SENP7: variants seen among roughly 807,000 people sequenced by gnomAD.
SENP7 encodes SUMO specific peptidase 7, also known as sentrin-specific protease 7.
Under a neutral mutation model 141.2 loss-of-function variants are expected in SENP7, and 64 were observed. The observed-to-expected ratio is 0.45, with a 90% CI of 0.37 to 0.56. The LOEUF (loss-of-function observed/expected upper bound fraction) is 0.56. SENP7 is among the 20% of genes least tolerant of loss of function. The probability of loss-of-function intolerance (pLI) is 0.00; values close to 1 mark genes in which losing one functional copy is unlikely to be tolerated. For missense variants in SENP7, 1,025 were observed against 1,212.2 expected, an observed-to-expected ratio of 0.85 and a Z score of 2.29; for synonymous variants, 382 against 426.4, an observed-to-expected ratio of 0.90 and a Z score of 1.28.
At chr3:101,364,084 C>T (rs575285838) in intron 10 of SENP7, among the ~76,000 whole-genome samples, 23 of 152,068 alleles carry the variant, frequency 1.5e-4, no homozygotes, top group Non-Finnish European at 2.2e-4. Context: ...AAACATTAGC[C>T]AGGCTTGCTG....
chr3:101,467,519 A>C (rs577908370), intron 3 of SENP7, among the ~76,000 whole-genome samples: 1 of 152,350 alleles, frequency 6.6e-6, no homozygotes, highest in East Asian at 1.9e-4. Flanking sequence ...GCTCTTCTGC[A>C]ATATTTGCTG....
rs2058885897 is a variant in SENP7 at position 101,325,843 on chromosome 3, T to C, written c.*100A>G. The C allele has an allele frequency of 6.5e-6, 7 of 1,074,228 alleles. No individual in the cohort carries two copies. Among genetic ancestry groups the C allele is most frequent in the Admixed American group, 5.5e-5 (2 of 36,476 alleles). 66.5% of individuals were successfully genotyped at this position (1,074,228 alleles called of 1,614,324 possible). A position where few individuals can be genotyped will look rare whatever the true frequency, so the allele number is the denominator to read the frequency against. ...TTCCAATGACTTATTATAAAACTACTGCAAGTTATTTTCTTCTCTGTGAGC... is the reference window on the plus strand; with the variant it reads ...TTCCAATGACTTATTATAAAACTACCGCAAGTTATTTTCTTCTCTGTGAGC... On this transcript the variant is annotated 3_prime_UTR_variant, in exon 24 of 24. Coordinates refer to ENST00000394095, the MANE Select transcript of SENP7 (RefSeq NM_020654.5).
Position 101,399,048 on chromosome 3 carries a change from T to G in SENP7, c.490A>C (p.Arg164=), listed in dbSNP as rs753674877. The G allele has an allele frequency of 4.4e-6, 7 of 1,607,624 alleles. No individual in the cohort carries two copies. The African/African-American group carries it at 9.4e-5, about 22-fold the overall frequency. The change falls in exon 6 of 24, where the codon AGA becomes CGA. Residue 164 remains arginine (R), a synonymous_variant. Transcript: ENST00000394095. ...QSLNLSERIP[R]VILTNVLGTE... Reference sequence around the variant, plus strand: ...CCCAGGACATTCGTCAATATAACTCTGGGTATCCTGTCACATAGAATAACA... The same window carrying G: ...CCCAGGACATTCGTCAATATAACTCGGGGTATCCTGTCACATAGAATAACA...
chr3:101,385,075 C>T (rs1286285327), intron 6 of SENP7, among the ~76,000 whole-genome samples: 2 of 152,136 alleles, frequency 1.3e-5, no homozygotes, highest in African/African-American at 2.4e-5. Flanking sequence ...AATCGTAACA[C>T]CTAATCTTGT....
chr3:101,329,846 T>C (rs1213759455), intron 20 of SENP7, among the ~76,000 whole-genome samples: 1 of 150,084 alleles, frequency 6.7e-6, no homozygotes, highest in East Asian at 1.9e-4. Context: ...TCCCAGCTAC[T>C]TGAGAGGCTG....
Position 101,325,770 on chromosome 3 carries a change from T to C in SENP7, c.*173A>G. The C allele has an allele frequency of 2.3e-6, 1 of 438,262 alleles. No homozygotes were observed. Among genetic ancestry groups the C allele is most frequent in the Non-Finnish European group, 3.8e-6 (1 of 260,040 alleles). 27.1% of individuals were successfully genotyped at this position (438,262 alleles called of 1,614,324 possible). A position where few individuals can be genotyped will look rare whatever the true frequency, so the allele number is the denominator to read the frequency against. ...ATCACCCCCATTCCCATTCCATCTA[T>C]GAGATCCCAACAATTCTAATAATGT... On this transcript the variant is annotated 3_prime_UTR_variant, in exon 24 of 24. Transcript: ENST00000394095.
At chr3:101,507,894 C>CA (rs2065687733) in intron 1 of SENP7, among the ~76,000 whole-genome samples, 1 of 151,544 alleles carries the variant, frequency 6.6e-6, no homozygotes, top group Non-Finnish European at 1.5e-5. Flanking sequence ...ACTAAAAATA[C>CA]AAAAATTAGC....
intron 4 of SENP7, among the ~76,000 whole-genome samples, chr3:101,438,953 C>T (rs1188998152): frequency 7.1e-6 from 1 of 139,894 alleles, no homozygotes; most frequent in East Asian, 2.1e-4. Flanking sequence ...CCCGGTGCCA[C>T]CCCGTCTGGG....
rs544524183 is a variant in SENP7 at position 101,448,727 on chromosome 3, C to T, written c.284+10228G>A. Among the ~76,000 whole-genome samples, 15 of 152,158 alleles carry T rather than the reference C, an allele frequency of 9.9e-5. No homozygotes were observed. In the South Asian group the frequency reaches 1.9e-3, roughly 19 times the overall value. On this transcript the variant is annotated intron_variant, in intron 4 of 23. Transcript: ENST00000394095. ...CATCCACACCAAAACCCCATCTGTA[C>T]GTCACCATCATCAAAGACCAAAGGT...
intron 12 of SENP7, among the ~76,000 whole-genome samples, chr3:101,348,262 T>C (rs2059524546): frequency 1.3e-5 from 2 of 152,076 alleles, no homozygotes; most frequent in South Asian, 4.1e-4. Flanking sequence ...ACATTACAAT[T>C]AGGAAGGGCT....
chr3:101,346,922 A>T (rs2059474327), intron 13 of SENP7, among the ~76,000 whole-genome samples: 1 of 151,924 alleles, frequency 6.6e-6, no homozygotes, highest in Non-Finnish European at 1.5e-5. Context: ...AAAATTTAAT[A>T]AAAGATTTCA....
chr3:101,383,153 C>T (rs1236104557), intron 6 of SENP7, among the ~76,000 whole-genome samples: 2 of 152,176 alleles, frequency 1.3e-5, no homozygotes, highest in Non-Finnish European at 1.5e-5. Flanking sequence ...GCAGATCCTT[C>T]AGGGCTTGGT....
At chr3:101,428,529 A>G (rs2062041395) in intron 4 of SENP7, among the ~76,000 whole-genome samples, 1 of 152,174 alleles carries the variant, frequency 6.6e-6, no homozygotes. Context: ...CCCTTCACCT[A>G]CTTTTTGATG....
intron 4 of SENP7, among the ~76,000 whole-genome samples, chr3:101,420,091 G>A (rs2061741894): frequency 6.6e-6 from 1 of 152,254 alleles, no homozygotes; most frequent in Admixed American, 6.5e-5. Context: ...TAGGAGGCCA[G>A]GCGCTGTGGC....
intron 11 of SENP7, among the ~76,000 whole-genome samples, chr3:101,356,029 T>C (rs1157697735): frequency 2.0e-5 from 3 of 152,110 alleles, no homozygotes; most frequent in Non-Finnish European, 4.4e-5. Flanking sequence ...TTGGTGTATA[T>C]GAGTGCTAGT....
At chr3:101,486,283 G>T (rs539601172) in intron 3 of SENP7, among the ~76,000 whole-genome samples, 85 of 152,238 alleles carry the variant, frequency 5.6e-4, no homozygotes, top group Middle Eastern at 3.4e-3. Context: ...ATCACAAAAA[G>T]ATCTTCACCT....
chr3:101,403,638 T>C (rs1258734587), intron 5 of SENP7, among the ~76,000 whole-genome samples: 2 of 152,070 alleles, frequency 1.3e-5, no homozygotes, highest in Non-Finnish European at 2.9e-5. Context: ...ATAATCAGAA[T>C]AAAAAGTGCT....
intron 4 of SENP7, chr3:101,458,742 C>A: frequency 2.5e-6 from 1 of 402,380 alleles, no homozygotes; most frequent in Non-Finnish European, 4.5e-6. Flanking sequence ...TCAGCGAAAG[C>A]TTATCAAGAT....
Position 101,364,943 on chromosome 3 carries a change from T to G in SENP7, c.1367A>C (p.Glu456Ala), listed in dbSNP as rs2059996706. The G allele has an allele frequency of 1.3e-6, 2 of 1,590,752 alleles. No individual in the cohort carries two copies. The highest frequency in any genetic ancestry group is 1.7e-6 in the Non-Finnish European group (2 of 1,169,500). ...EEGPVEHKSS[E>A]ILKLQSKQDR... ...TTGCTTAGATTGTAACTTAAGAATTTCTGAACTTTTATGTTCAACAGGTCC... is the reference window on the plus strand; with the variant it reads ...TTGCTTAGATTGTAACTTAAGAATTGCTGAACTTTTATGTTCAACAGGTCC... Residue 456 changes from glutamate (E) to alanine (A), a missense_variant, in exon 10 of 24, where the codon GAA becomes GCA. By Grantham distance (107) the Glu-to-Ala change is moderately radical. Around this residue, in one of 4 missense-constraint regions of SENP7, gnomAD observed 6 missense variants for 21.1 expected, o/e 0.28. Coordinates refer to ENST00000394095, the MANE Select transcript of SENP7 (RefSeq NM_020654.5).
Sources: allele counts gnomAD v4.1 joint callset (sites outside exome capture counted in the v4.1 genomes callset), GRCh38; gene constraint gnomAD v4.1.1; regional missense constraint gnomAD v4.1.1; transcripts MANE v1.5; gene names NCBI Gene and HGNC (gene_info 2026-07-23, HGNC 2026-07-21).